The following SDK1 variants were observed in gnomAD, a reference collection of about 807,000 sequenced individuals.
SDK1 encodes sidekick cell adhesion molecule 1.
SDK1 carries 157 observed loss-of-function variants against 245.5 expected under a neutral mutation model. The observed-to-expected ratio is 0.64, with a 90% CI of 0.56 to 0.73. The LOEUF is 0.73. Among genes scored for constraint, SDK1 ranks in the 30% least tolerant of loss-of-function variants. The pLI is 0.00. For missense variants in SDK1, 3,583 were observed against 3,002.3 expected (o/e 1.19, Z -4.52); for synonymous variants, 1,647 against 1,278.5 (o/e 1.29, Z -6.15).
chr7:3,521,020 C>G (rs904474230), intron 1 of SDK1, among the ~76,000 whole-genome samples: 4 of 152,170 alleles, frequency 2.6e-5, no homozygotes, highest in Non-Finnish European at 5.9e-5. Context: ...GTCTATGTTC[C>G]TTTCTGGAAT....
At chr7:3,569,787 G>A (rs1393061504) in intron 1 of SDK1, among the ~76,000 whole-genome samples, 1 of 152,128 alleles carries the variant, frequency 6.6e-6, no homozygotes, top group African/African-American at 2.4e-5. Context: ...AATGTGCTTG[G>A]CTTTTGTTAA....
chr7:3,737,172 C>A (rs905099768), intron 4 of SDK1, among the ~76,000 whole-genome samples: 1 of 152,134 alleles, frequency 6.6e-6, no homozygotes, highest in East Asian at 1.9e-4. Context: ...GCCCTGCAGT[C>A]GGGTGGGGGA....
chr7:4,043,611 A>G (rs1022234024), intron 17 of SDK1, among the ~76,000 whole-genome samples: 1 of 152,230 alleles, frequency 6.6e-6, no homozygotes, highest in Admixed American at 6.5e-5. Context: ...CCAGAGAGGC[A>G]CTGCCTCCAG....
chr7:3,517,524 T>C (rs1782792262), intron 1 of SDK1, among the ~76,000 whole-genome samples: 1 of 152,188 alleles, frequency 6.6e-6, no homozygotes, highest in South Asian at 2.1e-4. Flanking sequence ...CAGGAATGTA[T>C]TGACCTGTTG....
chr7:3,518,750 C>G (rs976750352), intron 1 of SDK1, among the ~76,000 whole-genome samples: 1 of 151,952 alleles, frequency 6.6e-6, no homozygotes, highest in Non-Finnish European at 1.5e-5. Flanking sequence ...AGTATGGTCA[C>G]TATGGAGAGC....
In SDK1 at chr7:4,149,293, G is replaced by A. The variant is rs1470019833; in HGVS notation, c.4455G>A (p.Val1485=). 19 of 1,560,930 alleles carry A rather than the reference G, an allele frequency of 1.2e-5. No homozygotes were observed. The highest frequency in any genetic ancestry group is 2.4e-5 in the East Asian group (1 of 41,638). The stretch of plus-strand genomic sequence containing the variant: ...CGGCACCCCCCAGAGAGCTCCTGGT[G>A]CCCCAGGCAGAAGTGACCGCACGCA... ...ERPAPPRELL[V]PQAEVTARSL... is the part of the protein sequence containing the mutation. Residue 1485 remains valine (V), a synonymous_variant, in exon 30 of 45, where the codon GTG becomes GTA. Transcript: ENST00000404826.
intron 20 of SDK1, among the ~76,000 whole-genome samples, chr7:4,072,138 C>T (rs527776150): frequency 6.6e-6 from 1 of 152,198 alleles, no homozygotes; most frequent in Non-Finnish European, 1.5e-5. Context: ...TAAACAAATA[C>T]CTGTAGTTAA....
chr7:4,249,257 G>A (rs554924163), intron 44 of SDK1, among the ~76,000 whole-genome samples: 1 of 152,178 alleles, frequency 6.6e-6, no homozygotes, highest in Non-Finnish European at 1.5e-5. Flanking sequence ...CCTGAGACAC[G>A]CACTGATGAG....
intron 38 of SDK1, among the ~76,000 whole-genome samples, chr7:4,217,544 C>T (rs186924480): frequency 1.4e-4 from 20 of 145,462 alleles, no homozygotes; most frequent in African/African-American, 5.2e-4. Flanking sequence ...ACCCGGAGCA[C>T]CAGGCCACCC....
At chr7:4,097,780 T>C (rs886229421) in intron 22 of SDK1, among the ~76,000 whole-genome samples, 1 of 152,194 alleles carries the variant, frequency 6.6e-6, no homozygotes, top group Non-Finnish European at 1.5e-5. Context: ...TCTGTCAGCA[T>C]TTCGGTCATA....
chr7:3,585,239 C>T (rs777099916), intron 1 of SDK1, among the ~76,000 whole-genome samples: 7 of 152,088 alleles, frequency 4.6e-5, no homozygotes, highest in Admixed American at 6.6e-5. Context: ...AAAATGGCTA[C>T]GTAGGCTGAA....
intron 35 of SDK1, among the ~76,000 whole-genome samples, chr7:4,204,206 G>A (rs758872902): frequency 6.6e-6 from 1 of 152,262 alleles, no homozygotes; most frequent in Non-Finnish European, 1.5e-5. Flanking sequence ...TGGAGTTGCC[G>A]ATGGCAAACA....
At chr7:3,744,560 C>G (rs763820674) in intron 4 of SDK1, among the ~76,000 whole-genome samples, 11 of 152,106 alleles carry the variant, frequency 7.2e-5, no homozygotes, top group Middle Eastern at 6.8e-3. Flanking sequence ...GCCTGTAATC[C>G]CAGCACTTTG....
chr7:3,696,281 C>G (rs1381422508), intron 4 of SDK1, among the ~76,000 whole-genome samples: 2 of 152,090 alleles, frequency 1.3e-5, no homozygotes, highest in Non-Finnish European at 2.9e-5. Context: ...CTTGGTCATC[C>G]TCCACTCCTT....
chr7:3,348,726 C>T (rs1042425517), intron 1 of SDK1, among the ~76,000 whole-genome samples: 1 of 152,036 alleles, frequency 6.6e-6, no homozygotes, highest in Non-Finnish European at 1.5e-5. Flanking sequence ...AAAAAGTGAG[C>T]TGTTATTTTT....
At chr7:3,977,356 C>T (rs1217127323) in intron 13 of SDK1, among the ~76,000 whole-genome samples, 1 of 114,150 alleles carries the variant, frequency 8.8e-6, no homozygotes, top group Non-Finnish European at 2.0e-5. Flanking sequence ...CTGAGGGTCC[C>T]GGGGCTGAGG....
intron 13 of SDK1, among the ~76,000 whole-genome samples, chr7:3,984,029 C>G (rs1783623713): frequency 6.6e-6 from 1 of 152,312 alleles, no homozygotes; most frequent in Admixed American, 6.5e-5. Context: ...TGTTTTTAAT[C>G]TTTTAAAAAA....
intron 1 of SDK1, among the ~76,000 whole-genome samples, chr7:3,379,271 A>T (rs1404228283): frequency 6.6e-6 from 1 of 152,120 alleles, no homozygotes; most frequent in Non-Finnish European, 1.5e-5. Flanking sequence ...TGTTGGGGAG[A>T]CAGGCATTAA....
intron 19 of SDK1, among the ~76,000 whole-genome samples, chr7:4,061,183 T>G (rs1779518009): frequency 6.6e-6 from 1 of 152,026 alleles, no homozygotes. Flanking sequence ...GTGAAGAAAG[T>G]CATTGGTAGC....
Sources: allele counts gnomAD v4.1 joint callset (sites outside exome capture counted in the v4.1 genomes callset), GRCh38; gene constraint gnomAD v4.1.1; transcripts MANE v1.5; gene names NCBI Gene and HGNC (gene_info 2026-07-23, HGNC 2026-07-21).